Variants in COL14A1 observed in about 807,000 individuals in gnomAD.
COL14A1 encodes the protein collagen alpha-1(XIV) chain.
Under a neutral mutation model 230.3 loss-of-function variants are expected in COL14A1, and 136 were observed. The ratio of observed to expected loss-of-function variants is 0.59; its 90% CI spans 0.51 to 0.68. The LOEUF (loss-of-function observed/expected upper bound fraction) is 0.68, where lower values mean the gene tolerates loss of function less well. COL14A1 is among the 30% of genes least tolerant of loss of function. The probability of loss-of-function intolerance (pLI) is 0.00; values close to 1 mark genes in which losing one functional copy is unlikely to be tolerated. For synonymous variants in COL14A1, 792 were observed against 784.1 expected, an observed-to-expected ratio of 1.01 and a Z score of -0.17; for missense variants, 1,976 against 2,215.8, an observed-to-expected ratio of 0.89 and a Z score of 2.17.
At chr8:120,131,907 C>T (rs1279047239) in intron 1 of COL14A1, among the ~76,000 whole-genome samples, 1 of 133,082 alleles carries the variant, frequency 7.5e-6, no homozygotes, top group African/African-American at 2.9e-5. Context: ...AGTGCAGTGG[C>T]GCTATCTCGG....
chr8:120,173,160 C>T (rs1214230039), intron 5 of COL14A1, among the ~76,000 whole-genome samples: 2 of 152,092 alleles, frequency 1.3e-5, no homozygotes, highest in Non-Finnish European at 2.9e-5. Context: ...CCTTCTCCCA[C>T]ATTTGTTTTT....
At chr8:120,280,238 T>C in intron 29 of COL14A1, 139 bp downstream of exon 29, 1 of 1,027,374 alleles carries the variant, frequency 9.7e-7, no homozygotes, top group Non-Finnish European at 1.4e-6. Context: ...CATTAAGTTT[T>C]GTGGCTTTGA....
intron 39 of COL14A1, 48 bp from the exon 40 acceptor site, chr8:120,315,893 AGAT>A (rs2130116983): frequency 6.3e-7 from 1 of 1,585,596 alleles, no homozygotes; most frequent in South Asian, 1.1e-5. Context: ...CTGCGTGAGC[AGAT>A]GACTCATTCC....
At chr8:120,185,827 C>A (rs527600207) in intron 5 of COL14A1, among the ~76,000 whole-genome samples, 23 of 152,254 alleles carry the variant, frequency 1.5e-4, no homozygotes, top group Non-Finnish European at 2.8e-4. Flanking sequence ...GGCTGCAGTG[C>A]AATGGCGTGA....
At chr8:120,296,479 C>T (rs540736787) in intron 34 of COL14A1, among the ~76,000 whole-genome samples, 3 of 151,724 alleles carry the variant, frequency 2.0e-5, no homozygotes, top group Non-Finnish European at 4.4e-5. Flanking sequence ...AGATGTTTGG[C>T]GAAGGATGGA....
At chr8:120,138,831 T>G (rs918758831) in intron 1 of COL14A1, among the ~76,000 whole-genome samples, 30 of 152,266 alleles carry the variant, frequency 2.0e-4, no homozygotes, top group Middle Eastern at 3.4e-3. Flanking sequence ...TTTGTTGTTG[T>G]TTTTTTGGTT....
At chr8:120,359,701 G>A (rs1354136644) in intron 45 of COL14A1, among the ~76,000 whole-genome samples, 2 of 152,084 alleles carry the variant, frequency 1.3e-5, no homozygotes, top group Non-Finnish European at 1.5e-5. Flanking sequence ...ACATTCTTAT[G>A]TACCAGTGAG....
chr8:120,343,246 T>C (rs1822375032), intron 44 of COL14A1, among the ~76,000 whole-genome samples: 1 of 152,156 alleles, frequency 6.6e-6, no homozygotes, highest in Admixed American at 6.5e-5. Flanking sequence ...TCCAGGAATA[T>C]CTGAGGCCAA....
Position 120,207,001 on chromosome 8 carries a change from C to T in COL14A1, c.1098C>T (p.Ala366=). Residue 366 remains alanine (A), a synonymous_variant, in exon 10 of 48, where the codon GCC becomes GCT. Transcript: ENST00000297848. ...PTELITSEVT[A]RSFMVNWTHA... is the part of the protein sequence containing the mutation. ...AGTTGATTACTTCTGAAGTCACTGCCAGAAGCTTTATGGTTAACTGGACTC... is the reference window on the plus strand; with the variant it reads ...AGTTGATTACTTCTGAAGTCACTGCTAGAAGCTTTATGGTTAACTGGACTC... The T allele has an allele frequency of 6.2e-7, 1 of 1,613,808 alleles. No homozygotes were observed. Among genetic ancestry groups the T allele is most frequent in the Non-Finnish European group, 8.5e-7 (1 of 1,179,910 alleles).
Position 120,367,291 on chromosome 8 carries a change from T to G in COL14A1, c.5155+43T>G, listed in dbSNP as rs150882502. The G allele has an allele frequency of 2.1e-3, 3,200 of 1,494,530 alleles. 3 individuals carry two copies. Among genetic ancestry groups the G allele is most frequent in the Non-Finnish European group, 2.5e-3 (2,663 of 1,083,846 alleles). 92.6% of individuals were successfully genotyped at this position (1,494,530 alleles called of 1,614,324 possible). A position where few individuals can be genotyped will look rare whatever the true frequency, so the allele number is the denominator to read the frequency against. The stretch of plus-strand genomic sequence containing the variant: ...ACAAGAGACTGCAAATGTATATTTT[T>G]ATATTCACTTGGCATTGCAAGTGAG... On this transcript the variant is annotated intron_variant, in intron 46 of 47. Coordinates refer to ENST00000297848, the MANE Select transcript of COL14A1 (RefSeq NM_021110.4).
chr8:120,335,257 C>A (rs182094276), intron 42 of COL14A1, among the ~76,000 whole-genome samples: 9 of 152,272 alleles, frequency 5.9e-5, no homozygotes, highest in Admixed American at 5.9e-4. Context: ...ATAGTATCTA[C>A]ATAAATACCA....
intron 24 of COL14A1, among the ~76,000 whole-genome samples, chr8:120,264,171 T>C (rs182144215): frequency 5.9e-5 from 9 of 152,322 alleles, no homozygotes; most frequent in Non-Finnish European, 8.8e-5. Context: ...TTATTATACA[T>C]TTGCCTTTTC....
At position 120,300,742 on chromosome 8, in the gene COL14A1, A is replaced by C. The variant is rs767018958; in HGVS notation, c.4325A>C (p.Glu1442Ala). 1 of 1,612,896 alleles carries C rather than the reference A, an allele frequency of 6.2e-7. No homozygotes were observed. Among genetic ancestry groups the C allele is most frequent in the South Asian group, 1.1e-5 (1 of 90,896 alleles). Reference protein sequence around the residue: ...CCELPGLRDDESCPDLPHSCS... With the variant: ...CCELPGLRDDASCPDLPHSCS... The stretch of plus-strand genomic sequence containing the variant: ...TTTGTTTCTTTTCAGAGAGATGATG[A>C]GTCTTGCCCAGACCTTCCCCATTCC... The change falls in exon 36 of 48, where the codon GAG (glutamate) becomes GCG (alanine). Residue 1442 changes from glutamate to alanine, a missense_variant. Physicochemically the swap from Glu to Ala is moderately radical, Grantham distance 107 (BLOSUM62 -1). Transcript: ENST00000297848.
chr8:120,141,305 G>T (rs1411027942), intron 1 of COL14A1, among the ~76,000 whole-genome samples: 3 of 152,130 alleles, frequency 2.0e-5, no homozygotes, highest in African/African-American at 4.8e-5. Context: ...TATTTTGAGA[G>T]TCTGAGAAGG....
chr8:120,351,564 C>A (rs1363872267), intron 45 of COL14A1, among the ~76,000 whole-genome samples: 1 of 126,260 alleles, frequency 7.9e-6, no homozygotes, highest in South Asian at 2.9e-4. Flanking sequence ...ATATCACCAC[C>A]GATCCCACAG....
At chr8:120,203,926 A>G (rs1461825670) in intron 9 of COL14A1, 56 bp downstream of exon 9, 9 of 1,512,944 alleles carry the variant, frequency 5.9e-6, no homozygotes, top group Middle Eastern at 1.8e-4. Context: ...GCACAAGCCT[A>G]TTGTGAATTG....
chr8:120,133,291 A>AT (rs773649576), intron 1 of COL14A1, among the ~76,000 whole-genome samples: 8 of 152,048 alleles, frequency 5.3e-5, no homozygotes, highest in Non-Finnish European at 8.8e-5. Flanking sequence ...AAATTCTGTT[A>AT]TTTTTTATAA....
At chr8:120,290,007 A>C (rs960634269) in intron 34 of COL14A1, among the ~76,000 whole-genome samples, 1 of 152,214 alleles carries the variant, frequency 6.6e-6, no homozygotes, top group African/African-American at 2.4e-5. Flanking sequence ...TATTATATGG[A>C]ATATGCATTA....
chr8:120,241,658 C>CAAACAAACAAACAAA (rs574640485), intron 19 of COL14A1, among the ~76,000 whole-genome samples: 2,392 of 152,152 alleles, frequency 0.016, 70 homozygotes, highest in African/African-American at 0.055. Flanking sequence ...AGAGGCCAAG[C>CAAACAAACAAACAAA]AAGAGGAACT....
Sources: allele counts gnomAD v4.1 joint callset (sites outside exome capture counted in the v4.1 genomes callset), GRCh38; gene constraint gnomAD v4.1.1; transcripts MANE v1.5; gene names NCBI Gene and HGNC (gene_info 2026-07-23, HGNC 2026-07-21).